SPAG16: variants seen among roughly 807,000 people sequenced by gnomAD.
SPAG16 encodes sperm associated antigen 16.
In SPAG16, 86 loss-of-function variants were observed where a neutral mutation model predicts 80.4. That is an observed-to-expected ratio of 1.07 (90% CI 0.90 to 1.28). The LOEUF (loss-of-function observed/expected upper bound fraction) is 1.28. SPAG16 is among the 50% of genes most tolerant of loss of function. The pLI is 0.00. For synonymous variants in SPAG16, 294 were observed against 265.9 expected (o/e 1.11, Z -1.03); for missense variants, 870 against 765.3 (o/e 1.14, Z -1.61).
In SPAG16 at chr2:214,142,363, A is replaced by G. The variant is rs570389988; in HGVS notation, c.1594-6777A>G. 1.2e-4 allele frequency among the ~76,000 whole-genome samples: 18 copies of G among 152,276 alleles called. No homozygotes were observed. In the South Asian group the frequency reaches 3.5e-3, roughly 30 times the overall value. On this transcript the variant is annotated intron_variant, in intron 14 of 15. Transcript: ENST00000331683. ...TTTAAAATCTTTTTCAGTCTTTCAT[A>G]ATTTTAATCTATACAGATCACTTTT... is the stretch of plus-strand genomic sequence containing the variant.
intron 2 of SPAG16, among the ~76,000 whole-genome samples, chr2:213,296,622 G>C (rs1444199121): frequency 3.3e-5 from 5 of 152,214 alleles, no homozygotes; most frequent in African/African-American, 1.2e-4. Context: ...GACAGAGGCT[G>C]TGAATGAAAC....
At chr2:213,821,618 C>T (rs2072940472) in intron 10 of SPAG16, among the ~76,000 whole-genome samples, 2 of 152,136 alleles carry the variant, frequency 1.3e-5, no homozygotes, top group South Asian at 2.1e-4. Context: ...TGACTGTAGT[C>T]ACCATGTTGT....
At chr2:213,455,361 A>G (rs2071937269) in intron 9 of SPAG16, among the ~76,000 whole-genome samples, 1 of 152,112 alleles carries the variant, frequency 6.6e-6, no homozygotes, top group East Asian at 1.9e-4. Context: ...CCTCCCCACC[A>G]AACATCCCCT....
chr2:214,028,931 A>G (rs1211880981), intron 13 of SPAG16, among the ~76,000 whole-genome samples: 1 of 152,106 alleles, frequency 6.6e-6, no homozygotes, highest in African/African-American at 2.4e-5. Context: ...GGACTATTCT[A>G]TGGATACAAT....
intron 10 of SPAG16, among the ~76,000 whole-genome samples, chr2:213,828,163 T>C (rs1269331542): frequency 6.6e-6 from 1 of 152,162 alleles, no homozygotes; most frequent in African/African-American, 2.4e-5. Context: ...AGATTTGCCC[T>C]TTTGAGCCTA....
At chr2:213,543,533 CTTTA>C (rs1256243471) in intron 10 of SPAG16, among the ~76,000 whole-genome samples, 1 of 151,836 alleles carries the variant, frequency 6.6e-6, no homozygotes, top group Non-Finnish European at 1.5e-5. Context: ...AATTTATTTT[CTTTA>C]TTGTTTTTCT....
chr2:213,399,896 C>T (rs1399815262), intron 9 of SPAG16, among the ~76,000 whole-genome samples: 1 of 151,916 alleles, frequency 6.6e-6, no homozygotes, highest in Admixed American at 6.6e-5. Flanking sequence ...TGAATATGAC[C>T]ATTTCATCTG....
At chr2:214,269,963 G>GAGAC (rs1488319620) in intron 15 of SPAG16, among the ~76,000 whole-genome samples, 1 of 151,954 alleles carries the variant, frequency 6.6e-6, no homozygotes, top group Non-Finnish European at 1.5e-5. Context: ...ATTAATGCCA[G>GAGAC]AGACAGAACT....
chr2:213,417,492 G>A (rs114005634), intron 9 of SPAG16, among the ~76,000 whole-genome samples: 2,264 of 152,272 alleles, frequency 0.015, 36 homozygotes, highest in Middle Eastern at 0.044. Context: ...GTGGCACATG[G>A]ATTTATGTAA....
Position 213,350,552 on chromosome 2 carries a change from T to C in SPAG16, c.669T>C (p.Tyr223=), listed in dbSNP as rs2125043725. ...GGTTGAAGTTACATTATGCATCTTA[T>C]GAACCGACTATAAGGGTGTTACATG... ...LKGLKLHYAS[Y]EPTIRVLHEK... Residue 223 remains tyrosine (Y), a synonymous_variant, in exon 7 of 16, where the codon TAT becomes TAC. Coordinates refer to ENST00000331683, the MANE Select transcript of SPAG16 (RefSeq NM_024532.5). 1 of 1,579,572 alleles carries C rather than the reference T, an allele frequency of 6.3e-7. No homozygotes were observed. Among genetic ancestry groups the C allele is most frequent in the South Asian group, 1.2e-5 (1 of 84,020 alleles).
intron 15 of SPAG16, among the ~76,000 whole-genome samples, chr2:214,157,389 A>C (rs1260562679): frequency 6.6e-6 from 1 of 152,140 alleles, no homozygotes; most frequent in Non-Finnish European, 1.5e-5. Flanking sequence ...AGTAAAAAAA[A>C]CTGTTATGCT....
At position 213,616,875 on chromosome 2, in the gene SPAG16, A is replaced by G. The variant is rs368523673; in HGVS notation, c.1070+126785A>G. Among the ~76,000 whole-genome samples the G allele has an allele frequency of 1.2e-4, 19 of 152,290 alleles. No homozygotes were observed. The East Asian group carries it at 3.7e-3, about 29-fold the overall frequency. Reference sequence around the variant, plus strand: ...AGCACCCAAAAGTTACTGAGACAAGAAGCAGTATTGGGAATAGGAAGGAAT... The same window carrying G: ...AGCACCCAAAAGTTACTGAGACAAGGAGCAGTATTGGGAATAGGAAGGAAT... On this transcript the variant is annotated intron_variant, in intron 10 of 15. Transcript: ENST00000331683.
chr2:213,985,870 T>C (rs541312750), intron 12 of SPAG16, among the ~76,000 whole-genome samples: 2 of 152,220 alleles, frequency 1.3e-5, no homozygotes, highest in South Asian at 4.1e-4. Context: ...AGCAGAGTTA[T>C]GCAAGGAATG....
chr2:213,586,916 C>T (rs1006515426), intron 10 of SPAG16, among the ~76,000 whole-genome samples: 1 of 152,182 alleles, frequency 6.6e-6, no homozygotes, highest in Non-Finnish European at 1.5e-5. Context: ...GGGGTCATAG[C>T]CCTGCCCACA....
At chr2:214,076,897 T>A (rs2051108629) in intron 13 of SPAG16, among the ~76,000 whole-genome samples, 1 of 152,078 alleles carries the variant, frequency 6.6e-6, no homozygotes, top group Non-Finnish European at 1.5e-5. Context: ...CAATAGCAAG[T>A]TGGATTTAGT....
chr2:214,064,811 T>C (rs1410301876), intron 13 of SPAG16, among the ~76,000 whole-genome samples: 2 of 152,094 alleles, frequency 1.3e-5, no homozygotes, highest in Non-Finnish European at 2.9e-5. Flanking sequence ...ACAACTGATT[T>C]GTGTTTTGTA....
intron 14 of SPAG16, among the ~76,000 whole-genome samples, chr2:214,109,762 T>C (rs932920095): frequency 6.6e-6 from 1 of 152,148 alleles, no homozygotes; most frequent in Non-Finnish European, 1.5e-5. Context: ...GAAAGTATTA[T>C]AGATTAGTTC....
intron 14 of SPAG16, among the ~76,000 whole-genome samples, chr2:214,114,009 G>C (rs372509181): frequency 5.8e-4 from 89 of 152,258 alleles, no homozygotes; most frequent in African/African-American, 2.1e-3. Flanking sequence ...TGGGGTTTTG[G>C]TGTAGATGTC....
intron 15 of SPAG16, among the ~76,000 whole-genome samples, chr2:214,372,306 C>T (rs1252578464): frequency 6.6e-6 from 1 of 152,140 alleles, no homozygotes; most frequent in Non-Finnish European, 1.5e-5. Flanking sequence ...CCAAATGGGA[C>T]AAATAGTGAT....
Sources: gnomAD v4.1 joint callset for allele counts (sites outside exome capture counted in the v4.1 genomes callset) on GRCh38, gnomAD v4.1.1 for gene constraint, MANE v1.5 for transcripts, NCBI Gene and HGNC (gene_info 2026-07-23, HGNC 2026-07-21) for gene names.